Variants in PLXDC1 observed in about 807,000 individuals in gnomAD.
The protein encoded by PLXDC1 is plexin domain containing 1, also known as plexin domain-containing protein 1.
A neutral mutation model predicts 61.3 loss-of-function variants in PLXDC1; 39 were observed. The observed-to-expected ratio is 0.64, with a 90% CI of 0.49 to 0.83. The LOEUF (loss-of-function observed/expected upper bound fraction) is 0.83. Ranked by LOEUF, PLXDC1 falls within the 40% of genes least tolerant of loss-of-function variation. The pLI, the probability that PLXDC1 is intolerant of heterozygous loss-of-function variation, is 0.00. For synonymous variants in PLXDC1, 212 were observed against 254.5 expected (o/e 0.83, Z 1.59); for missense variants, 596 against 666.5 (o/e 0.89, Z 1.17).
At position 39,077,922 on chromosome 17, in the gene PLXDC1, T is replaced by C. The variant is rs1909403828; in HGVS notation, c.1177A>G (p.Thr393Ala). 1 of 1,613,736 alleles carries C rather than the reference T, an allele frequency of 6.2e-7. No individual in the cohort carries two copies. The highest frequency in any genetic ancestry group is 8.5e-7 in the Non-Finnish European group (1 of 1,179,756). Residue 393 changes from threonine to alanine, a missense_variant, in exon 11 of 14, where the codon ACC (threonine) becomes GCC (alanine). By Grantham distance (58) the Thr-to-Ala change is moderately conservative. Transcript: ENST00000315392. ...TSSSLFIDSL[T>A]TEDDTKLNPY... Reference sequence around the variant, plus strand: ...TGGGCTCAGAACTTACCTTCTGTGGTGAGGCTGTCGATGAAGAGGGAGGAG... The same window carrying C: ...TGGGCTCAGAACTTACCTTCTGTGGCGAGGCTGTCGATGAAGAGGGAGGAG...
chr17:39,151,733 C>G (rs2045375002), upstream of PLXDC1: 1 of 243,690 alleles, frequency 4.1e-6, no homozygotes, highest in South Asian at 1.5e-4. The surrounding 1 kb of genome is among the most constrained non-coding windows in gnomAD (Gnocchi z 5.2). Context: ...GGGGCTCTCC[C>G]GGCGCCTGCC....
At chr17:39,108,457 AG>A (rs1355800800) in intron 4 of PLXDC1, 2 of 590,364 alleles carry the variant, frequency 3.4e-6, no homozygotes, top group Non-Finnish European at 6.0e-6. Context: ...TCCCTTCAGC[AG>A]GGCACAGACT....
At chr17:39,109,533 G>A in intron 2 of PLXDC1, 142 bp from the exon 3 acceptor site, 1 of 1,005,512 alleles carries the variant, frequency 9.9e-7, no homozygotes, top group Non-Finnish European at 1.4e-6. Flanking sequence ...CCCAAGGGCT[G>A]ATTTAGGCCT....
intron 2 of PLXDC1, among the ~76,000 whole-genome samples, chr17:39,130,687 C>T (rs762733169): frequency 2.0e-5 from 3 of 151,958 alleles, no homozygotes; most frequent in Non-Finnish European, 4.4e-5. Context: ...CTCAGCCTCC[C>T]AAGCAGCTGG....
rs569726765 is a variant in PLXDC1, at chr17:39,141,132, C to T, written c.77-1300G>A. On this transcript the variant is annotated intron_variant, in intron 1 of 13. Coordinates refer to ENST00000315392, the MANE Select transcript of PLXDC1 (RefSeq NM_020405.5). ...GCAGCCTCCAACTGCTGGGCTCATG[C>T]GATCCTCCCACCTCAGCTTCCTAAG... Among the ~76,000 whole-genome samples the T allele has an allele frequency of 3.9e-5, 6 of 152,312 alleles. No individual in the cohort carries two copies. In the South Asian group the frequency reaches 1.0e-3, roughly 26 times the overall value.
intron 2 of PLXDC1, among the ~76,000 whole-genome samples, chr17:39,130,507 C>A (rs1911523571): frequency 6.6e-6 from 1 of 152,064 alleles, no homozygotes; most frequent in African/African-American, 2.4e-5. Context: ...GTTGGTTGCA[C>A]AACATTGTGA....
rs1308744085 is a variant in PLXDC1 at position 39,069,883 on chromosome 17, T to C, written c.1356A>G (p.Thr452=). ...LAGIYINGHP[T]SNAALFFIER... ...CGATGAAGAAGAGCGCAGCATTGGA[T>C]GTGGGGTGGCCATTGATGTAAATTC... Residue 452 remains threonine, a synonymous_variant, in exon 13 of 14, where the codon ACA becomes ACG. Transcript: ENST00000315392. 1 of 1,613,846 alleles carries C rather than the reference T, an allele frequency of 6.2e-7. No individual in the cohort carries two copies. The highest frequency in any genetic ancestry group is 8.5e-7 in the Non-Finnish European group (1 of 1,179,902).
intron 2 of PLXDC1, among the ~76,000 whole-genome samples, chr17:39,128,095 G>GTA (rs1567769495): frequency 1.5e-4 from 7 of 47,810 alleles, no homozygotes; most frequent in African/African-American, 5.6e-4. Context: ...CTCTCTCTAT[G>GTA]TGTATATATA....
intron 2 of PLXDC1, among the ~76,000 whole-genome samples, chr17:39,113,614 G>A (rs1257743858): frequency 2.6e-5 from 4 of 152,150 alleles, no homozygotes; most frequent in Non-Finnish European, 5.9e-5. Flanking sequence ...GACGAGGCTG[G>A]AGGATCACTT....
At chr17:39,078,411 A>G (rs1477448058) in intron 10 of PLXDC1, among the ~76,000 whole-genome samples, 1 of 152,226 alleles carries the variant, frequency 6.6e-6, no homozygotes, top group Non-Finnish European at 1.5e-5. Context: ...TTCCCCTGTG[A>G]TCGATCAATG....
In PLXDC1 at chr17:39,107,498, TG is replaced by T. The variant is rs781207594; in HGVS notation, c.619del (p.His207ThrfsTer55). 6.2e-7 allele frequency: 1 copy of T among 1,613,812 alleles called. No homozygotes were observed. The highest frequency in any genetic ancestry group is 8.5e-7 in the Non-Finnish European group (1 of 1,179,780). ...NGTVFVVQWDHVYLQGWEDKG... is the reference protein window; with the variant it reads ...NGTVFVVQWDXVYLQGWEDKG... ...GTCTTCCCAGCCTTGGAGATAAACG[TG>T]GTCCCACTGAACCACAAAGACTGTC... is the stretch of plus-strand genomic sequence containing the variant. On this transcript the variant is annotated frameshift_variant, in exon 6 of 14. Coordinates refer to ENST00000315392, the MANE Select transcript of PLXDC1 (RefSeq NM_020405.5). LOFTEE classifies it high-confidence loss of function.
intron 7 of PLXDC1, among the ~76,000 whole-genome samples, chr17:39,098,134 G>A (rs188843691): frequency 1.5e-3 from 224 of 148,802 alleles, no homozygotes; most frequent in African/African-American, 5.4e-3. Context: ...GAACCCAGGA[G>A]GTGGAGGTTG....
intron 2 of PLXDC1, among the ~76,000 whole-genome samples, chr17:39,129,053 C>T (rs568467479): frequency 6.6e-6 from 1 of 152,152 alleles, no homozygotes; most frequent in South Asian, 2.1e-4. Flanking sequence ...TGCGGTGGTG[C>T]ACGCCTGTAA....
At chr17:39,135,406 G>C (rs1314525257) in intron 2 of PLXDC1, among the ~76,000 whole-genome samples, 1 of 152,202 alleles carries the variant, frequency 6.6e-6, no homozygotes, top group East Asian at 1.9e-4. Flanking sequence ...GCCAGGCATG[G>C]TGGCTCCCGC....
At chr17:39,081,189 A>G (rs1270488102) in intron 9 of PLXDC1, 1 of 152,618 alleles carries the variant, frequency 6.6e-6, no homozygotes, top group East Asian at 1.9e-4. Context: ...CCCTCCAGGT[A>G]TAAGGAGAGC....
intron 7 of PLXDC1, among the ~76,000 whole-genome samples, chr17:39,094,052 G>A (rs1323476301): frequency 1.3e-5 from 2 of 152,146 alleles, no homozygotes; most frequent in African/African-American, 2.4e-5. Flanking sequence ...TGCCAAGCCC[G>A]AGTGGGATCT....
chr17:39,100,861 C>A (rs1392508675), intron 7 of PLXDC1, among the ~76,000 whole-genome samples: 1 of 152,126 alleles, frequency 6.6e-6, no homozygotes, highest in African/African-American at 2.4e-5. Flanking sequence ...GCGCAGGGGG[C>A]TAAGGGGAGG....
At chr17:39,087,125 G>C (rs1909772051) in intron 8 of PLXDC1, among the ~76,000 whole-genome samples, 1 of 152,152 alleles carries the variant, frequency 6.6e-6, no homozygotes. Flanking sequence ...GGTGCAGAGG[G>C]CCAGGGTCCC....
intron 2 of PLXDC1, 51 bp downstream of exon 2, chr17:39,139,603 G>T: frequency 6.7e-7 from 1 of 1,493,876 alleles, no homozygotes; most frequent in South Asian, 1.2e-5. Context: ...CAGCTGGTGA[G>T]ACCTCCCCCA....
Sources: gnomAD v4.1 joint callset for allele counts (sites outside exome capture counted in the v4.1 genomes callset) on GRCh38, gnomAD v4.1.1 for gene constraint, Gnocchi (gnomAD v3.1) non-coding constraint, MANE v1.5 for transcripts, NCBI Gene and HGNC (gene_info 2026-07-23, HGNC 2026-07-21) for gene names.